USH2A: variants seen among roughly 807,000 people sequenced by gnomAD.
USH2A encodes the protein usherin, also known as Usher syndrome 2A (autosomal recessive, mild).
In USH2A, 443 loss-of-function variants were observed where a neutral mutation model predicts 538.9. The ratio of observed to expected loss-of-function variants is 0.82; its 90% CI spans 0.76 to 0.89. USH2A has a LOEUF of 0.89. Ranked by LOEUF, USH2A falls within the 40% of genes least tolerant of loss-of-function variation. The probability of loss-of-function intolerance (pLI) is 0.00; values close to 1 mark genes in which losing one functional copy is unlikely to be tolerated. For synonymous variants in USH2A, 2,413 were observed against 2,273.5 expected, an observed-to-expected ratio of 1.06 and a Z score of -1.75; for missense variants, 6,633 against 6,324.8, an observed-to-expected ratio of 1.05 and a Z score of -1.65.
Position 216,324,265 on chromosome 1 carries a change from C to T in USH2A, c.1231G>A (p.Asp411Asn). 4.3e-6 allele frequency: 7 copies of T among 1,613,284 alleles called. No homozygotes were observed. Among genetic ancestry groups the T allele is most frequent in the Non-Finnish European group, 5.9e-6 (7 of 1,179,658 alleles). The change falls in exon 7 of 72, where the codon GAC becomes AAC. Residue 411 changes from aspartate to asparagine, a missense_variant. Transcript: ENST00000307340. ...RKKENSLDWE[D>N]WQYFARNCGA... ...CAATTCCTGGCAAAATATTGCCAGT[C>T]CTCCCAATCTAAACTATTTTCCTTC...
At chr1:215,677,942 C>G (rs1658088217) in intron 62 of USH2A, among the ~76,000 whole-genome samples, 1 of 152,210 alleles carries the variant, frequency 6.6e-6, no homozygotes, top group Non-Finnish European at 1.5e-5. Flanking sequence ...ATCTTCCAGT[C>G]TCCCCTTCCT....
At chr1:215,829,512 G>T (rs1455038477) in intron 47 of USH2A, among the ~76,000 whole-genome samples, 2 of 152,156 alleles carry the variant, frequency 1.3e-5, no homozygotes, top group African/African-American at 4.8e-5. Flanking sequence ...TATTTTAAAT[G>T]CTAGAGAAGT....
intron 47 of USH2A, among the ~76,000 whole-genome samples, chr1:215,827,900 ATG>A (rs1055436383): frequency 1.5e-4 from 23 of 152,292 alleles, no homozygotes; most frequent in African/African-American, 5.5e-4. Context: ...ATTAAATTAA[ATG>A]TAAAATATTA....
intron 60 of USH2A, among the ~76,000 whole-genome samples, chr1:215,728,790 A>G: frequency 6.6e-6 from 1 of 152,242 alleles, no homozygotes. Flanking sequence ...AAAATCTTTT[A>G]AAAATACAGA....
intron 21 of USH2A, among the ~76,000 whole-genome samples, chr1:216,118,343 G>T (rs1467532297): frequency 2.6e-5 from 4 of 152,032 alleles, no homozygotes; most frequent in Non-Finnish European, 4.4e-5. Context: ...AAAACATAAA[G>T]CTTCTAACTA....
chr1:216,114,912 A>G (rs1011598973), intron 21 of USH2A, among the ~76,000 whole-genome samples: 2 of 152,186 alleles, frequency 1.3e-5, no homozygotes, highest in African/African-American at 4.8e-5. Flanking sequence ...ACAGATACAT[A>G]GATATTAATA....
chr1:216,206,523 C>G (rs767288990), intron 16 of USH2A, among the ~76,000 whole-genome samples: 1 of 152,136 alleles, frequency 6.6e-6, no homozygotes, highest in Non-Finnish European at 1.5e-5. Flanking sequence ...GGAGGCAGGG[C>G]TCAGGCAGTA....
intron 64 of USH2A, among the ~76,000 whole-genome samples, chr1:215,667,540 T>C (rs1296566743): frequency 1.3e-5 from 2 of 151,292 alleles, no homozygotes; most frequent in Non-Finnish European, 2.9e-5. Flanking sequence ...CTACTAAAAA[T>C]ACAAAAAAAA....
intron 58 of USH2A, among the ~76,000 whole-genome samples, chr1:215,752,495 A>G (rs1660651714): frequency 6.6e-6 from 1 of 152,176 alleles, no homozygotes; most frequent in African/African-American, 2.4e-5. Context: ...TCTTTACAGC[A>G]ATTTGAGAAG....
At chr1:215,690,932 G>A (rs1156747106) in intron 61 of USH2A, among the ~76,000 whole-genome samples, 1 of 151,930 alleles carries the variant, frequency 6.6e-6, no homozygotes, top group Non-Finnish European at 1.5e-5. Context: ...CTCTGTCACT[G>A]AGGCTGGAGT....
At chr1:215,710,586 A>G (rs759189368) in intron 61 of USH2A, among the ~76,000 whole-genome samples, 1 of 152,176 alleles carries the variant, frequency 6.6e-6, no homozygotes, top group African/African-American at 2.4e-5. Flanking sequence ...AAAGGGTCCT[A>G]CGGCTCTAGG....
At chr1:216,096,945 T>C (rs2102572597) in intron 22 of USH2A, 138 bp downstream of exon 22, 1 of 943,554 alleles carries the variant, frequency 1.1e-6, no homozygotes, top group African/African-American at 1.7e-5. Context: ...ATTTTCTTGA[T>C]TGGCAAAATG....
intron 32 of USH2A, among the ~76,000 whole-genome samples, chr1:216,034,946 C>A (rs1466128308): frequency 2.0e-5 from 3 of 152,088 alleles, no homozygotes; most frequent in Non-Finnish European, 4.4e-5. Flanking sequence ...AGAAAGCAAG[C>A]CAGGGAAGTA....
At position 215,782,800 on chromosome 1, in the gene USH2A, G is replaced by T. The variant is rs1330077641; in HGVS notation, c.10523C>A (p.Thr3508Asn). The T allele has an allele frequency of 1.2e-6, 2 of 1,613,704 alleles. No homozygotes were observed. Among genetic ancestry groups the T allele is most frequent in the Non-Finnish European group, 1.7e-6 (2 of 1,179,892 alleles). ...VPQGVSPPTW[T>N]KIDNLEDTIV... ...TGTATCTTCAAGATTGTCTATTTTG[G>T]TCCACGTAGGGGGACTCACTCCTTG... Residue 3508 changes from threonine to asparagine, a missense_variant, in exon 53 of 72, where the codon ACC becomes AAC. Coordinates refer to ENST00000307340, the MANE Select transcript of USH2A (RefSeq NM_206933.4).
intron 21 of USH2A, among the ~76,000 whole-genome samples, chr1:216,142,459 G>A (rs1249824894): frequency 6.6e-6 from 1 of 152,102 alleles, no homozygotes; most frequent in Admixed American, 6.6e-5. Context: ...AGATAGCAAG[G>A]TACCATGTGA....
In USH2A at chr1:216,325,558, T is replaced by C; in HGVS notation, c.890A>G (p.His297Arg). Residue 297 changes from histidine to arginine, a missense_variant, in exon 6 of 72, where the codon CAT becomes CGT. By Grantham distance (29) the His-to-Arg change is conservative (BLOSUM62 0). Transcript: ENST00000307340. ...AGGGCAACGGCAATGTGATTGGGCA[T>C]GCAATCTGAGAAGATCTCCAGAGAA... Reference protein sequence around the residue: ...EVFSGDLLRLHAQSHCRCPGS... With the variant: ...EVFSGDLLRLRAQSHCRCPGS... The C allele has an allele frequency of 6.2e-7, 1 of 1,613,390 alleles. No individual in the cohort carries two copies. The highest frequency in any genetic ancestry group is 8.5e-7 in the Non-Finnish European group (1 of 1,179,662).
intron 64 of USH2A, among the ~76,000 whole-genome samples, chr1:215,656,371 G>T (rs1657254247): frequency 6.6e-6 from 1 of 152,182 alleles, no homozygotes; most frequent in African/African-American, 2.4e-5. Context: ...CCAAGGCAAT[G>T]CTACAAGTCT....
intron 32 of USH2A, among the ~76,000 whole-genome samples, chr1:216,031,555 A>G (rs942109250): frequency 2.0e-5 from 3 of 152,110 alleles, no homozygotes; most frequent in Non-Finnish European, 1.5e-5. Context: ...GTTCTAACCC[A>G]CTTGTCCTTA....
chr1:216,309,192 A>T (rs1425612899), intron 9 of USH2A, among the ~76,000 whole-genome samples: 1 of 152,216 alleles, frequency 6.6e-6, no homozygotes, highest in Non-Finnish European at 1.5e-5. Flanking sequence ...CCCATTACAA[A>T]ATAACACAGG....
Sources: gnomAD v4.1 joint callset for allele counts (sites outside exome capture counted in the v4.1 genomes callset) on GRCh38, gnomAD v4.1.1 for gene constraint, MANE v1.5 for transcripts, NCBI Gene and HGNC (gene_info 2026-07-23, HGNC 2026-07-21) for gene names.